AGXT2: variants seen among roughly 807,000 people sequenced by gnomAD.
AGXT2 encodes alanine--glyoxylate aminotransferase 2, mitochondrial.
AGXT2 carries 61 observed loss-of-function variants against 62.5 expected under a neutral mutation model. That is an observed-to-expected ratio of 0.98 (90% CI 0.79 to 1.21). The LOEUF (loss-of-function observed/expected upper bound fraction) is 1.21. Among genes scored for constraint, AGXT2 ranks in the 50% most tolerant of loss-of-function variants. AGXT2 has a pLI of 0.00. For missense variants in AGXT2, 666 were observed against 641.5 expected (o/e 1.04, Z -0.41); for synonymous variants, 243 against 218.7 (o/e 1.11, Z -0.98).
At chr5:35,025,674 T>A (rs1767307275) in intron 9 of AGXT2, 89 bp downstream of exon 9, 1 of 1,380,596 alleles carries the variant, frequency 7.2e-7, no homozygotes, top group East Asian at 2.3e-5. Context: ...AGAGGCTTTC[T>A]GCCTGGAACA....
chr5:35,007,356 AAT>A (rs1766465541), intron 12 of AGXT2, among the ~76,000 whole-genome samples: 2 of 152,224 alleles, frequency 1.3e-5, no homozygotes, highest in African/African-American at 4.8e-5. Context: ...TGAATGGACT[AAT>A]ATAGTGGAAA....
intron 9 of AGXT2, 96 bp downstream of exon 9, chr5:35,025,667 G>A: frequency 7.5e-7 from 1 of 1,326,526 alleles, no homozygotes; most frequent in Non-Finnish European, 1.1e-6. Context: ...ACAGAGCAGA[G>A]GCTTTCTGCC....
intron 9 of AGXT2, among the ~76,000 whole-genome samples, chr5:35,021,416 C>T (rs1767077344): frequency 1.3e-5 from 2 of 151,172 alleles, no homozygotes; most frequent in East Asian, 1.9e-4. Flanking sequence ...AGAAATAATG[C>T]TGCATATCTA....
intron 13 of AGXT2, among the ~76,000 whole-genome samples, chr5:35,001,023 CTT>C (rs1227603299): frequency 1.3e-5 from 2 of 152,214 alleles, no homozygotes; most frequent in Non-Finnish European, 2.9e-5. Context: ...TGTCACATGA[CTT>C]TGCTCAACTG....
At chr5:35,014,284 T>G (rs957902598) in intron 9 of AGXT2, among the ~76,000 whole-genome samples, 165 bp from the exon 10 acceptor site, 9 of 151,816 alleles carry the variant, frequency 5.9e-5, no homozygotes, top group Admixed American at 4.6e-4. Flanking sequence ...AAACCCTGTC[T>G]CTTCTAAAAA....
At chr5:35,017,439 TG>T (rs968565795) in intron 9 of AGXT2, among the ~76,000 whole-genome samples, 1 of 152,212 alleles carries the variant, frequency 6.6e-6, no homozygotes, top group African/African-American at 2.4e-5. Flanking sequence ...AATTGAATCA[TG>T]GGGGTGGTTC....
At chr5:35,009,296 CAAACA>C (rs1766537170) in intron 12 of AGXT2, among the ~76,000 whole-genome samples, 1 of 149,616 alleles carries the variant, frequency 6.7e-6, no homozygotes, top group Non-Finnish European at 1.5e-5. Context: ...AGCATGCAAA[CAAACA>C]AAACTCAATA....
In AGXT2 at chr5:35,002,886, C is replaced by T. The variant is rs79027080; in HGVS notation, c.1437+877G>A. Among the ~76,000 whole-genome samples, 241 of 152,224 alleles carry T rather than the reference C, an allele frequency of 1.6e-3. 2 individuals are homozygous for T. In the East Asian group the frequency reaches 0.033, roughly 21 times the overall value. On this transcript the variant is annotated intron_variant, in intron 13 of 13. Transcript: ENST00000231420. ...TATCTGAGAAGTATGAGGCAAGAAG[C>T]AGATATTTCAGTATCCACTGAAGTT... is the stretch of plus-strand genomic sequence containing the variant.
chr5:35,002,754 A>G (rs139262029), intron 13 of AGXT2, among the ~76,000 whole-genome samples: 77 of 147,382 alleles, frequency 5.2e-4, no homozygotes, highest in African/African-American at 2.0e-3. Flanking sequence ...CACCCAGGCT[A>G]TGGCGCTTTG....
chr5:35,013,920 A>G lies in AGXT2; in HGVS notation c.1096+67T>C, dbSNP rs558762456. On this transcript the variant is annotated intron_variant, in intron 10 of 13. Coordinates refer to ENST00000231420, the MANE Select transcript of AGXT2 (RefSeq NM_031900.4). ...GTCTCCAATCTACACAAGTTCCAAC[A>G]CACGTGTTATACCATAGCCCAATGT... 441 of 1,608,660 alleles carry G rather than the reference A, an allele frequency of 2.7e-4. 6 individuals carry two copies. In the South Asian group the frequency reaches 4.5e-3, roughly 16 times the overall value.
At position 35,009,995 on chromosome 5, in the gene AGXT2, C is replaced by G. The variant is rs1561213864; in HGVS notation, c.1338+5G>C. 2 of 1,614,098 alleles carry G rather than the reference C, an allele frequency of 1.2e-6. No homozygotes were observed. Among genetic ancestry groups the G allele is most frequent in the Non-Finnish European group, 1.7e-6 (2 of 1,180,048 alleles). On this transcript the variant is annotated splice_donor_5th_base_variant and intron_variant, in intron 12 of 13. Transcript: ENST00000231420. ...GCTGAGAGAGAGGGGCAGATTAGCA[C>G]CTACCTTATCCTGCACCATTTCTAT...
chr5:35,000,970 T>C (rs533500889), intron 13 of AGXT2, among the ~76,000 whole-genome samples: 103 of 152,222 alleles, frequency 6.8e-4, no homozygotes, highest in Admixed American at 3.8e-3. Context: ...CAGTAGTCAA[T>C]AAATTACATG....
chr5:35,002,827 T>C (rs1561209849), intron 13 of AGXT2, among the ~76,000 whole-genome samples: 1 of 150,908 alleles, frequency 6.6e-6, no homozygotes, highest in Non-Finnish European at 1.5e-5. Flanking sequence ...GACCGATGAG[T>C]TTATATAGAG....
chr5:35,035,052 G>C (rs1315824518), intron 5 of AGXT2, among the ~76,000 whole-genome samples, 170 bp downstream of exon 5: 1 of 152,156 alleles, frequency 6.6e-6, no homozygotes, highest in Non-Finnish European at 1.5e-5. Context: ...AACTTGAATG[G>C]TGTTATCCTG....
intron 9 of AGXT2, among the ~76,000 whole-genome samples, chr5:35,024,687 G>A (rs547057107): frequency 6.6e-5 from 10 of 152,010 alleles, no homozygotes; most frequent in Non-Finnish European, 1.3e-4. Context: ...ACATTATTTC[G>A]GCCAGGCGCG....
At chr5:35,033,601 T>C (rs2291702) in intron 5 of AGXT2, 48 bp from the exon 6 acceptor site, 714,025 of 1,445,948 alleles carry the variant, frequency 0.49, 181,303 homozygotes, top group East Asian at 0.69. Flanking sequence ...CCTGGTCCAC[T>C]GAGTAGGACA....
At chr5:35,026,263 T>G (rs967863395) in intron 8 of AGXT2, 147 bp downstream of exon 8, 29 of 738,736 alleles carry the variant, frequency 3.9e-5, no homozygotes, top group Non-Finnish European at 6.3e-5. Flanking sequence ...AGTCAGCGTC[T>G]TCTTTTTTCA....
chr5:35,014,100 C>T lies in AGXT2; in HGVS notation c.983G>A (p.Arg328Lys), dbSNP rs1766754149. ...IADEVQTGFG[R>K]LGSHFWGFQT... ...GAAGCCCCAGAAGTGAGAGCCCAAC[C>T]TTCCAAATCCTGTCTGCACCTGGGA... Residue 328 changes from arginine (R) to lysine (K), a missense_variant, in exon 10 of 14, where the codon AGG becomes AAG. Arg to Lys is a conservative substitution (Grantham distance 26, BLOSUM62 2). Transcript: ENST00000231420. 1.2e-6 allele frequency: 2 copies of T among 1,614,104 alleles called. No homozygotes were observed. Among genetic ancestry groups the T allele is most frequent in the Non-Finnish European group, 1.7e-6 (2 of 1,180,014 alleles).
intron 2 of AGXT2, 72 bp from the exon 3 acceptor site, chr5:35,039,580 G>T (rs950755582): frequency 4.6e-6 from 7 of 1,519,678 alleles, no homozygotes; most frequent in East Asian, 2.3e-5. Context: ...GAGTAACAGA[G>T]CCCAGGCTCT....
Sources: allele counts gnomAD v4.1 joint callset (sites outside exome capture counted in the v4.1 genomes callset), GRCh38; gene constraint gnomAD v4.1.1; transcripts MANE v1.5; gene names NCBI Gene and HGNC (gene_info 2026-07-23, HGNC 2026-07-21).